Variants in GRIP1 observed in about 807,000 individuals in gnomAD.
GRIP1 encodes the protein glutamate receptor-interacting protein 1.
In GRIP1, 45 loss-of-function variants were observed where a neutral mutation model predicts 129.9. The observed-to-expected ratio is 0.35, with a 90% CI of 0.27 to 0.44. The LOEUF (loss-of-function observed/expected upper bound fraction) is 0.44, where lower values mean the gene tolerates loss of function less well. Ranked by LOEUF, GRIP1 falls within the 20% of genes least tolerant of loss-of-function variation. GRIP1 has a pLI of 1.00. For missense variants in GRIP1, 1,196 were observed against 1,396.8 expected, an observed-to-expected ratio of 0.86 and a Z score of 2.29; for synonymous variants, 530 against 520.8, an observed-to-expected ratio of 1.02 and a Z score of -0.24.
chr12:66,703,435 T>C (rs138748550), intron 1 of GRIP1, among the ~76,000 whole-genome samples: 218 of 152,036 alleles, frequency 1.4e-3, no homozygotes, highest in Non-Finnish European at 2.5e-3. Flanking sequence ...GGAGGATGCA[T>C]GGGAGAGGGC....
At chr12:66,958,722 T>C (rs1239785084) in intron 1 of GRIP1, among the ~76,000 whole-genome samples, 1 of 152,276 alleles carries the variant, frequency 6.6e-6, no homozygotes, top group Admixed American at 6.5e-5. Flanking sequence ...TGGATACTTA[T>C]ATTGCTTCTA....
At chr12:66,842,014 T>G (rs780841408) in intron 1 of GRIP1, among the ~76,000 whole-genome samples, 72 of 152,202 alleles carry the variant, frequency 4.7e-4, no homozygotes, top group Non-Finnish European at 6.0e-4. Context: ...TTATCTACCC[T>G]TGCCCCTATG....
upstream of GRIP1, among the ~76,000 whole-genome samples, chr12:66,683,492 T>C (rs757906193): frequency 6.6e-6 from 1 of 152,200 alleles, no homozygotes; most frequent in Non-Finnish European, 1.5e-5. Context: ...TCAGGCATTT[T>C]TTAAAGCAAA....
At position 66,529,913 on chromosome 12, in the gene GRIP1, A is replaced by C. The variant is rs1414021472; in HGVS notation, c.420T>G (p.Ser140=). 6.4e-7 allele frequency: 1 copy of C among 1,554,570 alleles called. No individual in the cohort carries two copies. The highest frequency in any genetic ancestry group is 8.9e-7 in the Non-Finnish European group (1 of 1,125,736). Residue 140 remains serine (S), a splice_region_variant and synonymous_variant, in exon 5 of 25, where the codon TCT becomes TCG. Transcript: ENST00000359742. The part of the protein sequence containing the change: ...LEVEYELPPV[S]VQGSSVIFRT... ...GGAAAATAACACTTGATCCTTGCAC[A>C]GCTGAATAAAGGAAAGAGAGAAGGA...
intron 2 of GRIP1, among the ~76,000 whole-genome samples, chr12:66,544,545 C>G (rs2061887653): frequency 6.6e-6 from 1 of 152,140 alleles, no homozygotes; most frequent in African/African-American, 2.4e-5. Context: ...GTCTTCTAGC[C>G]AATCTGCTGT....
At chr12:66,442,376 C>CA (rs2058494743) in intron 13 of GRIP1, among the ~76,000 whole-genome samples, 1 of 152,184 alleles carries the variant, frequency 6.6e-6, no homozygotes, top group Non-Finnish European at 1.5e-5. Flanking sequence ...GAGAGCCTTA[C>CA]AAGGCTTACC....
intron 7 of GRIP1, among the ~76,000 whole-genome samples, chr12:66,483,702 G>C (rs2138589301): frequency 6.6e-6 from 1 of 152,212 alleles, no homozygotes. Flanking sequence ...TCAACATGCA[G>C]AGAATGCATA....
At chr12:66,466,447 A>T (rs1434845136) in intron 7 of GRIP1, among the ~76,000 whole-genome samples, 1 of 152,252 alleles carries the variant, frequency 6.6e-6, no homozygotes, top group Non-Finnish European at 1.5e-5. Context: ...CTTAAAGCTC[A>T]TTAGAGCCAC....
intron 1 of GRIP1, among the ~76,000 whole-genome samples, chr12:66,711,410 C>A (rs1216126018): frequency 6.6e-6 from 1 of 151,778 alleles, no homozygotes; most frequent in Non-Finnish European, 1.5e-5. Context: ...ATAATTAAAT[C>A]ATCAAGAAAG....
In GRIP1 at chr12:66,443,427, TA is replaced by T. The variant is rs201769423; in HGVS notation, c.1687+1156del. 2.0e-3 allele frequency among the ~76,000 whole-genome samples: 306 copies of T among 150,374 alleles called. 8 individuals carry two copies. In the East Asian group the frequency reaches 0.039, roughly 19 times the overall value. ...GTTCAATCTCCCTCCCCTACCGCAA[TA>T]TTTTTTTTTTCTTTTCTCTTTCTTT... is the stretch of plus-strand genomic sequence containing the variant. On this transcript the variant is annotated intron_variant, in intron 13 of 24. Coordinates refer to ENST00000359742, the MANE Select transcript of GRIP1 (RefSeq NM_001366722.1).
intron 11 of GRIP1, among the ~76,000 whole-genome samples, chr12:66,451,383 GTTTTT>G (rs1169331519): frequency 3.3e-3 from 141 of 42,470 alleles, no homozygotes; most frequent in Non-Finnish European, 4.5e-3. Context: ...ATTATAATCT[GTTTTT>G]TTTTTTTTTT....
chr12:66,463,190 T>A (rs1331853497), intron 8 of GRIP1, 97 bp from the exon 9 acceptor site: 5 of 1,076,978 alleles, frequency 4.6e-6, no homozygotes, highest in Non-Finnish European at 2.8e-6. Context: ...GTTTTTCATT[T>A]ACTTAAAATA....
At chr12:66,596,625 T>A (rs1307707981) in intron 2 of GRIP1, among the ~76,000 whole-genome samples, 1 of 152,230 alleles carries the variant, frequency 6.6e-6, no homozygotes, top group East Asian at 1.9e-4. Context: ...GATTTTACAA[T>A]GATGGATTAC....
chr12:66,613,129 C>T (rs1484949458), intron 1 of GRIP1, among the ~76,000 whole-genome samples: 1 of 152,116 alleles, frequency 6.6e-6, no homozygotes, highest in African/African-American at 2.4e-5. Flanking sequence ...GGTAAATCCT[C>T]CCAGAGGCAT....
upstream of GRIP1, among the ~76,000 whole-genome samples, chr12:66,807,906 T>C (rs981655557): frequency 6.6e-6 from 1 of 151,968 alleles, no homozygotes; most frequent in Non-Finnish European, 1.5e-5. Flanking sequence ...CTGAATTTTT[T>C]CCCATCTTCT....
intron 1 of GRIP1, among the ~76,000 whole-genome samples, chr12:66,817,578 T>A (rs1323181510): frequency 6.6e-6 from 1 of 151,674 alleles, no homozygotes; most frequent in Non-Finnish European, 1.5e-5. Flanking sequence ...CCTGGCTAAT[T>A]TTGTATTTTT....
Position 66,914,626 on chromosome 12 carries a change from A to G in GRIP1, c.58+154424T>C, listed in dbSNP as rs1035202584. On this transcript the variant is annotated intron_variant, in intron 1 of 1. Coordinates refer to the GRIP1 transcript ENST00000643019. ...TTATGATAGGGATACATTTGAGTCT[A>G]CTTTAAACTACATAAAAAAGGAAAA... Among the ~76,000 whole-genome samples the G allele has an allele frequency of 3.3e-5, 5 of 152,236 alleles. No individual in the cohort carries two copies. The East Asian group carries it at 9.6e-4, about 29-fold the overall frequency.
intron 5 of GRIP1, among the ~76,000 whole-genome samples, chr12:66,528,191 G>A (rs1190174242): frequency 6.9e-6 from 1 of 144,894 alleles, no homozygotes. Flanking sequence ...CTGGAGTGCA[G>A]TGGCACGATC....
chr12:66,735,396 A>T (rs942467791), intron 1 of GRIP1, among the ~76,000 whole-genome samples: 6 of 152,226 alleles, frequency 3.9e-5, no homozygotes, highest in African/African-American at 1.4e-4. Context: ...TTATAGGAAC[A>T]AAGTCACTAA....
Sources: allele counts gnomAD v4.1 joint callset (sites outside exome capture counted in the v4.1 genomes callset), GRCh38; gene constraint gnomAD v4.1.1; transcripts MANE v1.5; gene names NCBI Gene and HGNC (gene_info 2026-07-23, HGNC 2026-07-21).